The following NEDD9 variants were observed in gnomAD, a reference collection of about 807,000 sequenced individuals.
The protein encoded by NEDD9 is enhancer of filamentation 1.
NEDD9 carries 26 observed loss-of-function variants against 76.6 expected under a neutral mutation model. The observed-to-expected ratio is 0.34, with a 90% CI of 0.25 to 0.47. NEDD9 has a LOEUF of 0.47. Among genes scored for constraint, NEDD9 ranks in the 20% least tolerant of loss-of-function variants. The pLI, the probability that NEDD9 is intolerant of heterozygous loss-of-function variation, is 1.00. For synonymous variants in NEDD9, 392 were observed against 414.2 expected (o/e 0.95, Z 0.65); for missense variants, 937 against 1,058.5 (o/e 0.89, Z 1.59).
intron 3 of NEDD9, among the ~76,000 whole-genome samples, chr6:11,289,884 A>G (rs1186259161): frequency 6.6e-6 from 1 of 152,240 alleles, no homozygotes; most frequent in African/African-American, 2.4e-5. Flanking sequence ...GAGAAACAAT[A>G]TGCAGCATTT....
At chr6:11,282,173 A>G (rs1760550623) in intron 3 of NEDD9, among the ~76,000 whole-genome samples, 1 of 152,234 alleles carries the variant, frequency 6.6e-6, no homozygotes, top group African/African-American at 2.4e-5. Context: ...TCAGGTGTTC[A>G]TCTCCTTTAA....
At chr6:11,264,260 C>T (rs1581989221) in intron 3 of NEDD9, among the ~76,000 whole-genome samples, 1 of 152,166 alleles carries the variant, frequency 6.6e-6, no homozygotes, top group East Asian at 1.9e-4. Flanking sequence ...CCATCACCTC[C>T]TCGAGGTGAC....
chr6:11,328,175 G>A (rs756867309), intron 2 of NEDD9, among the ~76,000 whole-genome samples: 28 of 152,172 alleles, frequency 1.8e-4, no homozygotes, highest in Admixed American at 5.2e-4. Flanking sequence ...CTGGGAGTGC[G>A]TGCATTGGTG....
chr6:11,201,046 C>T (rs766040761), intron 2 of NEDD9: 1 of 1,614,086 alleles, frequency 6.2e-7, no homozygotes, highest in Non-Finnish European at 8.5e-7. Context: ...CTCTGGAACA[C>T]CTAGAGACAA....
chr6:11,293,938 T>G (rs898409595), intron 3 of NEDD9, among the ~76,000 whole-genome samples: 1 of 152,094 alleles, frequency 6.6e-6, no homozygotes, highest in African/African-American at 2.4e-5. Context: ...GTCCTCCAGG[T>G]TCATCCACAT....
At chr6:11,196,284 A>T (rs912572198) in intron 2 of NEDD9, among the ~76,000 whole-genome samples, 1 of 152,200 alleles carries the variant, frequency 6.6e-6, no homozygotes, top group Admixed American at 6.5e-5. Flanking sequence ...AGCCTGGGTG[A>T]CAGAGAGAGA....
At position 11,232,317 on chromosome 6, in the gene NEDD9, G is replaced by A. The variant is rs185808095; in HGVS notation, c.12+187C>T. On this transcript the variant is annotated intron_variant, in intron 1 of 6. Transcript: ENST00000379446. ...GACTCGGGTGTACTGTGAACCCCTG[G>A]AGTGGGTCTCAAAGACCGGGTCTCT... Among the ~76,000 whole-genome samples, 29 of 152,126 alleles carry A rather than the reference G, an allele frequency of 1.9e-4. 1 individual carries two copies. The East Asian group carries it at 3.9e-3, about 20-fold the overall frequency.
Position 11,183,578 on chromosome 6 carries a change from A to G in NEDD9, c.*1584T>C, listed in dbSNP as rs1178437878. 1 of 152,238 alleles carries G rather than the reference A, an allele frequency of 6.6e-6. No individual in the cohort carries two copies. Among genetic ancestry groups the G allele is most frequent in the Non-Finnish European group, 1.5e-5 (1 of 68,044 alleles). 9.4% of individuals were successfully genotyped at this position (152,238 alleles called of 1,614,324 possible). A position where few individuals can be genotyped will look rare whatever the true frequency, so the allele number is the denominator to read the frequency against. ...ATGACTTTTAATCTTCTTTTGGCAG[A>G]GTAGGACTTTGAGAATTATAATAGC... On this transcript the variant is annotated 3_prime_UTR_variant, in exon 7 of 7. Coordinates refer to ENST00000379446, the MANE Select transcript of NEDD9 (RefSeq NM_006403.4).
chr6:11,364,011 C>T (rs947104035), intron 1 of NEDD9, among the ~76,000 whole-genome samples: 12 of 152,202 alleles, frequency 7.9e-5, no homozygotes, highest in Admixed American at 4.6e-4. Flanking sequence ...TGGCTGGCAT[C>T]TGGGAACATG....
At chr6:11,267,833 C>A (rs1329136242) in intron 3 of NEDD9, among the ~76,000 whole-genome samples, 1 of 152,114 alleles carries the variant, frequency 6.6e-6, no homozygotes, top group East Asian at 1.9e-4. Flanking sequence ...ATATCTAAGG[C>A]TTATAATAGA....
chr6:11,351,262 T>C (rs1476206799), intron 1 of NEDD9, among the ~76,000 whole-genome samples: 3 of 152,030 alleles, frequency 2.0e-5, no homozygotes, highest in Non-Finnish European at 4.4e-5. Context: ...TCTTTGCATA[T>C]TTAGGGAACT....
intron 2 of NEDD9, among the ~76,000 whole-genome samples, chr6:11,212,063 T>A (rs1179504921): frequency 1.3e-5 from 2 of 152,198 alleles, no homozygotes; most frequent in Non-Finnish European, 2.9e-5. Flanking sequence ...TTCTAATACA[T>A]CAAATAGATA....
At position 11,372,152 on chromosome 6, in the gene NEDD9, T is replaced by C. The variant is rs368817070; in HGVS notation, c.-214+9987A>G. 1.1e-3 allele frequency among the ~76,000 whole-genome samples: 109 copies of C among 100,896 alleles called. 4 individuals are homozygous for C. In the South Asian group the frequency reaches 0.036, roughly 33 times the overall value. 66.2% of individuals were successfully genotyped at this position (100,896 alleles called of 152,430 possible). ...CCATAATCCCCCCCACCCACAACGC[T>C]ACCCTTCCCAGCCCCTGGTAACCAT... On this transcript the variant is annotated intron_variant, in intron 1 of 3. Coordinates refer to the NEDD9 transcript ENST00000397378.
At chr6:11,289,783 T>C (rs914812553) in intron 3 of NEDD9, among the ~76,000 whole-genome samples, 1 of 152,080 alleles carries the variant, frequency 6.6e-6, no homozygotes, top group African/African-American at 2.4e-5. Context: ...TTTCTCTCCC[T>C]AGCTGTTATA....
intron 3 of NEDD9, among the ~76,000 whole-genome samples, chr6:11,259,901 T>G (rs1258349368): frequency 6.7e-6 from 1 of 148,638 alleles, no homozygotes; most frequent in Non-Finnish European, 1.5e-5. Context: ...CTGCATGGTA[T>G]GGTACGAGTA....
At chr6:11,280,187 G>T (rs1342643936) in intron 3 of NEDD9, among the ~76,000 whole-genome samples, 1 of 152,170 alleles carries the variant, frequency 6.6e-6, no homozygotes, top group East Asian at 1.9e-4. Flanking sequence ...TGTGGGGGAT[G>T]CAATTACCTC....
intron 1 of NEDD9, among the ~76,000 whole-genome samples, chr6:11,365,834 T>C (rs1413664857): frequency 6.7e-6 from 1 of 150,118 alleles, no homozygotes; most frequent in Non-Finnish European, 1.5e-5. Flanking sequence ...CTACTAAAAA[T>C]ACAAAAATTA....
At chr6:11,323,723 A>T (rs1218007288) in intron 2 of NEDD9, among the ~76,000 whole-genome samples, 2 of 152,234 alleles carry the variant, frequency 1.3e-5, no homozygotes, top group African/African-American at 2.4e-5. Flanking sequence ...GGAGGCCCCT[A>T]GGTGGCTACA....
chr6:11,240,260 C>T (rs572041282), intron 3 of NEDD9, among the ~76,000 whole-genome samples: 33 of 152,170 alleles, frequency 2.2e-4, no homozygotes, highest in African/African-American at 6.3e-4. Context: ...TACAGCGACG[C>T]GGTGGGTCTC....
Sources: allele counts gnomAD v4.1 joint callset (sites outside exome capture counted in the v4.1 genomes callset), GRCh38; gene constraint gnomAD v4.1.1; transcripts MANE v1.5; gene names NCBI Gene and HGNC (gene_info 2026-07-23, HGNC 2026-07-21).